Variants in DLG5 observed in about 807,000 individuals in gnomAD.
DLG5 encodes disks large homolog 5.
Under a neutral mutation model 189.8 loss-of-function variants are expected in DLG5, and 48 were observed. That is an observed-to-expected ratio of 0.25 (90% CI 0.20 to 0.32). The LOEUF (loss-of-function observed/expected upper bound fraction) is 0.32, where lower values mean the gene tolerates loss of function less well. Ranked by LOEUF, DLG5 falls within the 10% of genes least tolerant of loss-of-function variation. DLG5 has a pLI of 1.00. For synonymous variants in DLG5, 1,016 were observed against 1,054.1 expected, an observed-to-expected ratio of 0.96 and a Z score of 0.70; for missense variants, 2,160 against 2,544.7, an observed-to-expected ratio of 0.85 and a Z score of 3.25.
chr10:77,877,414 A>G (rs915908525), intron 1 of DLG5, among the ~76,000 whole-genome samples: 1 of 152,168 alleles, frequency 6.6e-6, no homozygotes, highest in Non-Finnish European at 1.5e-5. Context: ...GGATGAAAAG[A>G]GTCCACAGTT....
intron 20 of DLG5, chr10:77,815,987 C>A: frequency 2.5e-6 from 1 of 394,534 alleles, no homozygotes; most frequent in Non-Finnish European, 5.1e-6. Flanking sequence ...GACCTACATT[C>A]TAAAATGAAC....
chr10:77,875,038 C>T (rs560634492), intron 1 of DLG5, among the ~76,000 whole-genome samples: 2 of 152,360 alleles, frequency 1.3e-5, no homozygotes, highest in Non-Finnish European at 2.9e-5. Context: ...ATTTCCATAA[C>T]AACCCAAAGG....
chr10:77,819,242 T>G (rs1188391248), intron 17 of DLG5, 79 bp downstream of exon 17: 6 of 1,603,396 alleles, frequency 3.7e-6, no homozygotes, highest in Non-Finnish European at 5.1e-6. Flanking sequence ...CCAATGAGCC[T>G]CTTTATGCAC....
intron 5 of DLG5, among the ~76,000 whole-genome samples, chr10:77,850,999 G>A (rs2154576602): frequency 1.3e-5 from 2 of 152,346 alleles, no homozygotes; most frequent in Non-Finnish European, 2.9e-5. Context: ...AGAACAAACT[G>A]CCGGCAGGCA....
chr10:77,839,883 T>G (rs554918433), intron 7 of DLG5, among the ~76,000 whole-genome samples: 7 of 152,334 alleles, frequency 4.6e-5, no homozygotes, highest in African/African-American at 1.4e-4. Context: ...TGTATGAAAT[T>G]CCCATTACTT....
chr10:77,868,183 G>T (rs1395961137), intron 2 of DLG5: 5 of 441,938 alleles, frequency 1.1e-5, no homozygotes, highest in Admixed American at 4.8e-5. Flanking sequence ...GCGGCACTTT[G>T]TTATAGCAGC....
At chr10:77,862,245 C>G (rs148619972) in intron 2 of DLG5, among the ~76,000 whole-genome samples, 1 of 152,256 alleles carries the variant, frequency 6.6e-6, no homozygotes, top group Non-Finnish European at 1.5e-5. Flanking sequence ...CCCATCTTAT[C>G]TCTCTCCCTA....
At chr10:77,802,256 T>C (rs999920545) in intron 27 of DLG5, among the ~76,000 whole-genome samples, 7 of 152,156 alleles carry the variant, frequency 4.6e-5, no homozygotes, top group African/African-American at 1.7e-4. Flanking sequence ...CACAGGAAAC[T>C]ACTACACAAA....
chr10:77,821,705 C>T lies in DLG5; in HGVS notation c.2779G>A (p.Gly927Arg). ...TTGTCCAGGGAGGCCTCCCCAACCC[C>T]ACAGGGGCCCACCTCGGTCTCAAAG... ...LPFETEVGPC[G>R]VGEASLDKAD... The change falls in exon 15 of 32, where the codon GGG becomes AGG. Residue 927 changes from glycine (G) to arginine (R), a missense_variant. This residue lies in a region of DLG5 where 754 missense variants were observed against 746.5 expected (regional missense o/e 1.01). Coordinates refer to ENST00000372391, the MANE Select transcript of DLG5 (RefSeq NM_004747.4). The T allele has an allele frequency of 6.2e-7, 1 of 1,611,958 alleles. No homozygotes were observed. The highest frequency in any genetic ancestry group is 1.1e-5 in the South Asian group (1 of 91,020).
chr10:77,809,268 T>C (rs1029567677), intron 24 of DLG5, among the ~76,000 whole-genome samples: 9 of 151,864 alleles, frequency 5.9e-5, no homozygotes, highest in African/African-American at 2.2e-4. Flanking sequence ...TAGCCGGGTA[T>C]CGTGGCACAT....
Position 77,922,820 on chromosome 10 carries a change from A to AC in DLG5, c.304+3396dup, listed in dbSNP as rs539315858. On this transcript the variant is annotated intron_variant, in intron 1 of 31. Coordinates refer to ENST00000372391, the MANE Select transcript of DLG5 (RefSeq NM_004747.4). ...GAGCCACACCTCCAACAAAAAAACC[A>AC]CAACACAGTGTGTCTCCTAGTCACT... Among the ~76,000 whole-genome samples the AC allele has an allele frequency of 3.9e-5, 6 of 152,320 alleles. No individual in the cohort carries two copies. In the South Asian group the frequency reaches 1.2e-3, roughly 32 times the overall value.
the DLG5 span, among the ~76,000 whole-genome samples, chr10:77,934,214 A>T: frequency 6.6e-6 from 1 of 151,260 alleles, no homozygotes; most frequent in Admixed American, 6.6e-5. Flanking sequence ...TCCACTAAAA[A>T]TACAAAATTA....
At chr10:77,875,074 G>A (rs1298293906) in intron 1 of DLG5, among the ~76,000 whole-genome samples, 3 of 152,250 alleles carry the variant, frequency 2.0e-5, no homozygotes, top group Non-Finnish European at 4.4e-5. Flanking sequence ...CCATTTCACA[G>A]AGGAAGAAAC....
Position 77,873,410 on chromosome 10 carries a change from G to A in DLG5, c.305-4213C>T, listed in dbSNP as rs1035119531. 3.3e-5 allele frequency among the ~76,000 whole-genome samples: 5 copies of A among 152,134 alleles called. No homozygotes were observed. In the East Asian group the frequency reaches 9.7e-4, roughly 29 times the overall value. On this transcript the variant is annotated intron_variant, in intron 1 of 31. Transcript: ENST00000372391. ...GGGAGAGGTGGAAGGAAGCCACTGG[G>A]AGGAAGCCAGCCTGGTGACCCTCTG...
chr10:77,922,293 A>T (rs1212329457), intron 1 of DLG5, among the ~76,000 whole-genome samples: 2 of 152,148 alleles, frequency 1.3e-5, no homozygotes, highest in Non-Finnish European at 2.9e-5. Flanking sequence ...AGAATCCTCA[A>T]GGGAAAAAAC....
intron 14 of DLG5, 75 bp from the exon 15 acceptor site, chr10:77,822,176 C>A: frequency 6.5e-7 from 1 of 1,527,044 alleles, no homozygotes; most frequent in East Asian, 2.3e-5. Flanking sequence ...AAACCATCCC[C>A]AGAGGTAAAG....
chr10:77,802,578 C>G (rs1049836535), intron 27 of DLG5, among the ~76,000 whole-genome samples: 1 of 152,166 alleles, frequency 6.6e-6, no homozygotes, highest in African/African-American at 2.4e-5. Flanking sequence ...GTTAAAGTAT[C>G]TGTAGAATTA....
rs1842270157 is a variant in DLG5, at chr10:77,820,173, C to T, written c.3403-155G>A. 4 of 996,556 alleles carry T rather than the reference C, an allele frequency of 4.0e-6. No individual in the cohort carries two copies. The South Asian group carries it at 6.9e-5, about 17-fold the overall frequency. 61.7% of individuals were successfully genotyped at this position (996,556 alleles called of 1,614,324 possible). A position where few individuals can be genotyped will look rare whatever the true frequency, so the allele number is the denominator to read the frequency against. On this transcript the variant is annotated intron_variant, in intron 15 of 31. Transcript: ENST00000372391. ...CCACCCTGGCCAACATGGCGAAATC[C>T]CGTCTCTACCAAAAATACAAAAATT...
At chr10:77,897,228 T>C (rs940364910) in intron 1 of DLG5, among the ~76,000 whole-genome samples, 3 of 150,882 alleles carry the variant, frequency 2.0e-5, no homozygotes, top group Non-Finnish European at 4.4e-5. Flanking sequence ...TAGTGGTGCA[T>C]GCCTGTAAAC....
Sources: gnomAD v4.1 joint callset for allele counts (sites outside exome capture counted in the v4.1 genomes callset) on GRCh38, gnomAD v4.1.1 for gene constraint, gnomAD v4.1.1 regional missense constraint, MANE v1.5 for transcripts, NCBI Gene and HGNC (gene_info 2026-07-23, HGNC 2026-07-21) for gene names.